Variants in GUCY1A2 observed in about 807,000 individuals in gnomAD.
GUCY1A2 encodes the protein guanylate cyclase 1 soluble subunit alpha 2.
Under a neutral mutation model 63.5 loss-of-function variants are expected in GUCY1A2, and 27 were observed. That is an observed-to-expected ratio of 0.43 (90% CI 0.31 to 0.59). The LOEUF is 0.59. Among genes scored for constraint, GUCY1A2 ranks in the 20% least tolerant of loss-of-function variants. The pLI, the probability that GUCY1A2 is intolerant of heterozygous loss-of-function variation, is 0.11. For missense variants in GUCY1A2, 768 were observed against 913.3 expected (o/e 0.84, Z 2.05); for synonymous variants, 364 against 343.5 (o/e 1.06, Z -0.66).
At chr11:107,005,124 T>C (rs902380009) in intron 1 of GUCY1A2, among the ~76,000 whole-genome samples, 3 of 152,172 alleles carry the variant, frequency 2.0e-5, no homozygotes, top group African/African-American at 4.8e-5. Flanking sequence ...CTTCAACTGA[T>C]CTTTTTAGAT....
At chr11:106,770,658 CTAAAAAT>C (rs990221213) in intron 6 of GUCY1A2, among the ~76,000 whole-genome samples, 15 of 151,114 alleles carry the variant, frequency 9.9e-5, no homozygotes, top group African/African-American at 3.4e-4. Context: ...AAAGTTGAAG[CTAAAAAT>C]TAAAAATTAA....
chr11:106,720,092 T>C (rs1284191113), intron 6 of GUCY1A2, among the ~76,000 whole-genome samples: 1 of 152,238 alleles, frequency 6.6e-6, no homozygotes, highest in Non-Finnish European at 1.5e-5. Context: ...AATATATGTT[T>C]AATTAAAATA....
intron 6 of GUCY1A2, among the ~76,000 whole-genome samples, chr11:106,768,707 T>G (rs1191443188): frequency 1.3e-5 from 2 of 152,164 alleles, no homozygotes; most frequent in African/African-American, 2.4e-5. Context: ...CGAAAAATTA[T>G]TGTACCAAGA....
In GUCY1A2 at chr11:106,810,212, C is replaced by T; in HGVS notation, c.1473G>A (p.Val491=). 1 of 1,613,430 alleles carries T rather than the reference C, an allele frequency of 6.2e-7. No individual in the cohort carries two copies. The highest frequency in any genetic ancestry group is 1.1e-5 in the South Asian group (1 of 91,078). The change falls in exon 5 of 8, where the codon GTG becomes GTA. Residue 491 remains valine (V), a synonymous_variant. Transcript: ENST00000526355. ...CAGGGAAAATAGAATATAGAAGATC[C>T]ACTGTCTTCTTTTTCTCTTCTTCCA... ...QALEEEKKKT[V]DLLYSIFPGD...
At chr11:106,890,630 G>T (rs1859961060) in intron 4 of GUCY1A2, among the ~76,000 whole-genome samples, 1 of 152,090 alleles carries the variant, frequency 6.6e-6, no homozygotes, top group Non-Finnish European at 1.5e-5. Context: ...GAACCACTAG[G>T]AGATTATGCT....
chr11:106,952,023 G>A (rs1055292781), intron 3 of GUCY1A2, among the ~76,000 whole-genome samples: 6 of 152,034 alleles, frequency 3.9e-5, no homozygotes, highest in Admixed American at 3.9e-4. Flanking sequence ...TTTTTTGTCA[G>A]GTTTGTCAAA....
At chr11:106,828,206 CACAT>C (rs1481174955) in intron 4 of GUCY1A2, among the ~76,000 whole-genome samples, 1 of 152,016 alleles carries the variant, frequency 6.6e-6, no homozygotes, top group African/African-American at 2.4e-5. Flanking sequence ...TTGATAAAGT[CACAT>C]TTGTCTATTT....
rs1555020237 is a variant in GUCY1A2 at position 106,698,138 on chromosome 11, T to TTTTTTTTTTTTTTTTTTTTTTTTA, written c.1991+10373_1991+10374insTAAAAAAAAAAAAAAAAAAAAAAA. ...GTTAGAATTTTTTTTTTTTTTTTTTTAGACAGGGTCTCACTCTGTTGCTGA... is the reference window on the plus strand; with the variant it reads ...GTTAGAATTTTTTTTTTTTTTTTTTTTTTTTTTTTTTTTTTTTTTTTTTAAGACAGGGTCTCACTCTGTTGCTGA... On this transcript the variant is annotated intron_variant, in intron 7 of 7. Transcript: ENST00000526355. Among the ~76,000 whole-genome samples, 240 of 145,778 alleles carry TTTTTTTTTTTTTTTTTTTTTTTTA rather than the reference T, an allele frequency of 1.6e-3. 6 individuals are homozygous for TTTTTTTTTTTTTTTTTTTTTTTTA. The highest frequency in any genetic ancestry group is 3.6e-3 in the Middle Eastern group (1 of 276).
chr11:106,686,671 C>CA lies in GUCY1A2; in HGVS notation c.*877dup. ...CTAAGTTGAAAAGGATCCAGTGTAGCAAAGCATTTCATTTTAACTGATATT... is the reference window on the plus strand; with the variant it reads ...CTAAGTTGAAAAGGATCCAGTGTAGCAAAAGCATTTCATTTTAACTGATATT... On this transcript the variant is annotated 3_prime_UTR_variant, in exon 8 of 8. Coordinates refer to ENST00000526355, the MANE Select transcript of GUCY1A2 (RefSeq NM_000855.3). 4.7e-6 allele frequency: 1 copy of CA among 213,470 alleles called. No individual in the cohort carries two copies. Among genetic ancestry groups the CA allele is most frequent in the Non-Finnish European group, 9.5e-6 (1 of 105,538 alleles). The allele number at this position is 213,470 out of a possible 1,614,324, so 13.2% of individuals were successfully genotyped here.
At position 106,900,845 on chromosome 11, in the gene GUCY1A2, C is replaced by T. The variant is rs116024955; in HGVS notation, c.1206+38615G>A. Reference sequence around the variant, plus strand: ...TTAAAATGCTTTATTGCTAAAAATGCTAATGATTATCTGAGCCTTCAGCAA... The same window carrying T: ...TTAAAATGCTTTATTGCTAAAAATGTTAATGATTATCTGAGCCTTCAGCAA... On this transcript the variant is annotated intron_variant, in intron 4 of 7. Coordinates refer to ENST00000526355, the MANE Select transcript of GUCY1A2 (RefSeq NM_000855.3). 7.3e-3 allele frequency among the ~76,000 whole-genome samples: 1,107 copies of T among 152,290 alleles called. 11 individuals are homozygous for T. Among genetic ancestry groups the T allele is most frequent in the African/African-American group, 0.026 (1,072 of 41,560 alleles).
At chr11:106,949,304 A>G (rs7115764) in intron 3 of GUCY1A2, among the ~76,000 whole-genome samples, 137,473 of 152,106 alleles carry the variant, frequency 0.9, 62,218 homozygotes, top group East Asian at 1. Flanking sequence ...TTTACTTACT[A>G]GCCCATCCTT....
At chr11:106,857,778 G>GC (rs1322751976) in intron 4 of GUCY1A2, among the ~76,000 whole-genome samples, 1 of 151,932 alleles carries the variant, frequency 6.6e-6, no homozygotes, top group Non-Finnish European at 1.5e-5. Context: ...TATTTACATA[G>GC]CATTTACATT....
At chr11:106,770,690 T>C (rs977280138) in intron 6 of GUCY1A2, among the ~76,000 whole-genome samples, 20 of 151,640 alleles carry the variant, frequency 1.3e-4, no homozygotes, top group African/African-American at 4.8e-4. Context: ...AGAACAATTA[T>C]TGCATAATCT....
intron 3 of GUCY1A2, among the ~76,000 whole-genome samples, chr11:106,978,223 TACCTGTGGGCC>T (rs1242625574): frequency 1.3e-5 from 2 of 152,072 alleles, no homozygotes; most frequent in East Asian, 3.9e-4. Flanking sequence ...GTGTTAACAG[TACCTGTGGGCC>T]ACCCTTCTGC....
intron 4 of GUCY1A2, among the ~76,000 whole-genome samples, chr11:106,931,441 A>G (rs918052012): frequency 3.3e-5 from 5 of 152,226 alleles, no homozygotes; most frequent in Non-Finnish European, 5.9e-5. Context: ...ACAGTTCAGC[A>G]ACTTCTTTAA....
At chr11:106,824,997 G>A (rs2135432664) in intron 4 of GUCY1A2, 1 of 1,601,680 alleles carries the variant, frequency 6.2e-7, no homozygotes, top group Non-Finnish European at 8.5e-7. Context: ...GATGGTTTAT[G>A]CATGTATATG....
intron 6 of GUCY1A2, among the ~76,000 whole-genome samples, chr11:106,762,541 A>AAAT (rs1864084003): frequency 6.6e-6 from 1 of 152,156 alleles, no homozygotes; most frequent in Non-Finnish European, 1.5e-5. Context: ...AGATTGAATG[A>AAAT]AATATAATAA....
At chr11:107,016,213 T>A (rs548691271) in intron 1 of GUCY1A2, among the ~76,000 whole-genome samples, 1 of 152,322 alleles carries the variant, frequency 6.6e-6, no homozygotes, top group East Asian at 1.9e-4. Flanking sequence ...AAGATCAGTG[T>A]TCAGATTCAT....
chr11:106,857,162 A>T (rs1859448051), intron 4 of GUCY1A2, among the ~76,000 whole-genome samples: 1 of 152,320 alleles, frequency 6.6e-6, no homozygotes, highest in Non-Finnish European at 1.5e-5. Flanking sequence ...TGTATGGCTT[A>T]AACAGCATTT....
Sources: allele counts gnomAD v4.1 joint callset (sites outside exome capture counted in the v4.1 genomes callset), GRCh38; gene constraint gnomAD v4.1.1; transcripts MANE v1.5; gene names NCBI Gene and HGNC (gene_info 2026-07-23, HGNC 2026-07-21).